The following ERP44 variants were observed in gnomAD, a reference collection of about 807,000 sequenced individuals.
The protein encoded by ERP44 is endoplasmic reticulum protein 44, also known as endoplasmic reticulum resident protein 44.
A neutral mutation model predicts 53.4 loss-of-function variants in ERP44; 25 were observed. The ratio of observed to expected loss-of-function variants is 0.47; its 90% CI spans 0.34 to 0.65. The LOEUF is 0.65. ERP44 is among the 30% of genes least tolerant of loss of function. The pLI, the probability that ERP44 is intolerant of heterozygous loss-of-function variation, is 0.01. For missense variants in ERP44, 338 were observed against 493.2 expected (o/e 0.69, Z 2.98); for synonymous variants, 145 against 161.2 (o/e 0.90, Z 0.76).
At chr9:100,077,964 C>A (rs1201574590) in intron 1 of ERP44, among the ~76,000 whole-genome samples, 2 of 152,082 alleles carry the variant, frequency 1.3e-5, no homozygotes, top group Non-Finnish European at 2.9e-5. Flanking sequence ...GGAAAAAAAA[C>A]ACAACCACCA....
intron 3 of ERP44, among the ~76,000 whole-genome samples, chr9:100,053,258 T>C (rs1826056194): frequency 6.6e-6 from 1 of 152,194 alleles, no homozygotes; most frequent in African/African-American, 2.4e-5. Flanking sequence ...ATACAGTAAG[T>C]CCAGAAGCAA....
At chr9:100,021,937 C>T in intron 5 of ERP44, 105 bp downstream of exon 5, 4 of 977,234 alleles carry the variant, frequency 4.1e-6, no homozygotes, top group Non-Finnish European at 6.2e-6. Flanking sequence ...ATGTCAAATC[C>T]ACTGCAATAG....
intron 7 of ERP44, 89 bp downstream of exon 7, chr9:100,018,167 G>C: frequency 1.2e-6 from 1 of 847,408 alleles, no homozygotes; most frequent in Non-Finnish European, 2.0e-6. Flanking sequence ...AGTTCTATTA[G>C]TCTATGAACA....
At chr9:100,087,810 A>G (rs550840709) in intron 1 of ERP44, among the ~76,000 whole-genome samples, 7 of 152,346 alleles carry the variant, frequency 4.6e-5, no homozygotes, top group African/African-American at 1.7e-4. Flanking sequence ...TGTTCAAAAT[A>G]TACACATTAC....
chr9:100,062,390 T>G (rs986739812), intron 1 of ERP44, among the ~76,000 whole-genome samples: 5 of 152,220 alleles, frequency 3.3e-5, no homozygotes, highest in Non-Finnish European at 5.9e-5. Flanking sequence ...GATCCTGGCT[T>G]CATAAGTATC....
intron 1 of ERP44, among the ~76,000 whole-genome samples, chr9:100,069,538 G>C (rs1826276684): frequency 6.6e-6 from 1 of 152,140 alleles, no homozygotes; most frequent in Non-Finnish European, 1.5e-5. Context: ...GGAGGTTGCA[G>C]TGAGCTGAGA....
chr9:99,986,916 T>G (rs938007837), intron 10 of ERP44, among the ~76,000 whole-genome samples: 23 of 152,206 alleles, frequency 1.5e-4, no homozygotes, highest in African/African-American at 5.3e-4. Context: ...AATATATCCA[T>G]TCAATCCATA....
chr9:100,024,152 TCAA>T (rs35674225), intron 4 of ERP44, among the ~76,000 whole-genome samples: 7,869 of 149,350 alleles, frequency 0.053, 204 homozygotes, highest in Non-Finnish European at 0.059. Context: ...AAACCCTGAC[TCAA>T]CAACAACAAC....
Position 100,098,874 on chromosome 9 carries a change from T to C in ERP44, c.-34A>G, listed in dbSNP as rs769910669. 5 of 1,601,540 alleles carry C rather than the reference T, an allele frequency of 3.1e-6. No homozygotes were observed. In the Admixed American group the frequency reaches 5.0e-5, roughly 16 times the overall value. On this transcript the variant is annotated 5_prime_UTR_variant, in exon 1 of 12. Transcript: ENST00000262455. ...TGGGGTCCGTGACAGGGACAGGCGCTGGCGGCTGGGACTGGGCTAGGTTGG... is the reference window on the plus strand; with the variant it reads ...TGGGGTCCGTGACAGGGACAGGCGCCGGCGGCTGGGACTGGGCTAGGTTGG...
chr9:100,080,577 T>C (rs1397710397), intron 1 of ERP44, among the ~76,000 whole-genome samples: 1 of 151,930 alleles, frequency 6.6e-6, no homozygotes, highest in Non-Finnish European at 1.5e-5. Flanking sequence ...GTACATAATA[T>C]GTATGATGCA....
intron 2 of ERP44, among the ~76,000 whole-genome samples, chr9:100,059,196 C>T (rs1826115834): frequency 6.6e-6 from 1 of 152,090 alleles, no homozygotes. Flanking sequence ...CCTTTTGCCT[C>T]TATTATATGT....
chr9:100,083,599 T>G (rs990499592), intron 1 of ERP44, among the ~76,000 whole-genome samples: 3 of 152,180 alleles, frequency 2.0e-5, no homozygotes, highest in Non-Finnish European at 4.4e-5. Context: ...TCAATTTCAC[T>G]AGTACATGCC....
chr9:100,097,838 C>T (rs1826663329), intron 1 of ERP44, among the ~76,000 whole-genome samples: 1 of 152,152 alleles, frequency 6.6e-6, no homozygotes, highest in Non-Finnish European at 1.5e-5. Context: ...ACTTCATATG[C>T]GTCACTAAAT....
At chr9:99,984,929 A>G (rs1830180716) in intron 11 of ERP44, 38 bp downstream of exon 11, 1 of 1,358,696 alleles carries the variant, frequency 7.4e-7, no homozygotes, top group Non-Finnish European at 1.0e-6. Context: ...AAAAAGGGAA[A>G]AAAAGAGTTC....
At chr9:100,064,520 C>CCACA (rs1392140789) in intron 1 of ERP44, among the ~76,000 whole-genome samples, 5 of 152,162 alleles carry the variant, frequency 3.3e-5, no homozygotes, top group African/African-American at 1.2e-4. Flanking sequence ...TGGTGATGAT[C>CCACA]CACAGACTTA....
intron 6 of ERP44, among the ~76,000 whole-genome samples, chr9:100,019,351 C>A (rs1329856002): frequency 6.6e-6 from 1 of 152,080 alleles, no homozygotes; most frequent in African/African-American, 2.4e-5. Flanking sequence ...CAAGACCATC[C>A]TGGGCAACAT....
Position 99,981,615 on chromosome 9 carries a change from C to G in ERP44, c.*997G>C, listed in dbSNP as rs1227024856. 6.6e-6 allele frequency: 1 copy of G among 152,604 alleles called. No homozygotes were observed. The allele number at this position is 152,604 out of a possible 1,614,324, so 9.5% of individuals were successfully genotyped here. A position where few individuals can be genotyped will look rare whatever the true frequency, so the allele number is the denominator to read the frequency against. ...AGGCCTGGCACAGGGACCCATCTTA[C>G]TGTATGCTGCAGGCCTGGGGAAATC... On this transcript the variant is annotated 3_prime_UTR_variant, in exon 12 of 12. Transcript: ENST00000262455.
At chr9:100,049,073 A>G (rs955116066) in intron 4 of ERP44, among the ~76,000 whole-genome samples, 16 of 152,232 alleles carry the variant, frequency 1.1e-4, no homozygotes, top group African/African-American at 3.6e-4. Flanking sequence ...TGCAAATTAC[A>G]TATGTGAAAA....
At chr9:100,059,673 G>T (rs1826121711) in intron 2 of ERP44, among the ~76,000 whole-genome samples, 1 of 152,028 alleles carries the variant, frequency 6.6e-6, no homozygotes, top group Admixed American at 6.6e-5. Context: ...TCCAGTCTGG[G>T]TGACAAAGCA....
Sources: gnomAD v4.1 joint callset for allele counts (sites outside exome capture counted in the v4.1 genomes callset) on GRCh38, gnomAD v4.1.1 for gene constraint, MANE v1.5 for transcripts, NCBI Gene and HGNC (gene_info 2026-07-23, HGNC 2026-07-21) for gene names.